The following UNC5C variants were observed in gnomAD, a reference collection of about 807,000 sequenced individuals.
UNC5C encodes the protein netrin receptor UNC5C.
In UNC5C, 47 loss-of-function variants were observed where a neutral mutation model predicts 99.8. That is an observed-to-expected ratio of 0.47 (90% CI 0.37 to 0.60). UNC5C has a LOEUF of 0.60. Among genes scored for constraint, UNC5C ranks in the 20% least tolerant of loss-of-function variants. The probability of loss-of-function intolerance (pLI) is 0.00; values close to 1 mark genes in which losing one functional copy is unlikely to be tolerated. For synonymous variants in UNC5C, 487 were observed against 452.2 expected (o/e 1.08, Z -0.98); for missense variants, 1,062 against 1,165.9 (o/e 0.91, Z 1.30).
chr4:95,488,487 A>C (rs1036216833), intron 1 of UNC5C, among the ~76,000 whole-genome samples: 1 of 151,800 alleles, frequency 6.6e-6, no homozygotes, highest in Non-Finnish European at 1.5e-5. Context: ...ATAGCTTCTG[A>C]GAACTGGTTC....
chr4:95,519,544 A>C (rs2149489757), intron 1 of UNC5C, among the ~76,000 whole-genome samples: 1 of 152,272 alleles, frequency 6.6e-6, no homozygotes, highest in Non-Finnish European at 1.5e-5. Context: ...TTTAAAAAAA[A>C]AAAACAAACT....
rs1735876167 is a variant in UNC5C at position 95,166,862 on chromosome 4, C to T, written c.*2372G>A. On this transcript the variant is annotated 3_prime_UTR_variant, in exon 16 of 16. Transcript: ENST00000453304. ...ATTTTTAATTTAGAATACAGTTTTACTCATTGCTACAAACATCCACTGAAC... is the reference window on the plus strand; with the variant it reads ...ATTTTTAATTTAGAATACAGTTTTATTCATTGCTACAAACATCCACTGAAC... The T allele has an allele frequency of 6.6e-6, 1 of 152,154 alleles. No homozygotes were observed. Among genetic ancestry groups the T allele is most frequent in the African/African-American group, 2.4e-5 (1 of 41,434 alleles). The allele number at this position is 152,154 out of a possible 1,614,324, so 9.4% of individuals were successfully genotyped here. A position where few individuals can be genotyped will look rare whatever the true frequency, so the allele number is the denominator to read the frequency against.
At chr4:95,542,905 A>G (rs1722952689) in intron 1 of UNC5C, among the ~76,000 whole-genome samples, 1 of 152,142 alleles carries the variant, frequency 6.6e-6, no homozygotes, top group Non-Finnish European at 1.5e-5. Flanking sequence ...AAAATAACAA[A>G]TATTTAAAAT....
At chr4:95,355,313 C>T (rs974174956) in intron 1 of UNC5C, among the ~76,000 whole-genome samples, 1 of 152,082 alleles carries the variant, frequency 6.6e-6, no homozygotes, top group Non-Finnish European at 1.5e-5. Context: ...AAATATTCTA[C>T]TTGCCTTATT....
chr4:95,250,581 C>T lies in UNC5C; in HGVS notation c.681G>A (p.Lys227=). The change falls in exon 5 of 16, where the codon AAG becomes AAA. Residue 227 remains lysine (K), a synonymous_variant. Transcript: ENST00000453304. The part of the protein sequence containing the change: ...YITIDHNLII[K]QARLSDTANY... Reference sequence around the variant, plus strand: ...TTGCAGTATCAGAGAGTCGGGCCTGCTTTATGATGAGGTTGTGATCAATAG... The same window carrying T: ...TTGCAGTATCAGAGAGTCGGGCCTGTTTTATGATGAGGTTGTGATCAATAG... 2 of 1,613,966 alleles carry T rather than the reference C, an allele frequency of 1.2e-6. No individual in the cohort carries two copies. The highest frequency in any genetic ancestry group is 1.7e-6 in the Non-Finnish European group (2 of 1,179,960).
chr4:95,358,210 T>C (rs1579355491), intron 1 of UNC5C, among the ~76,000 whole-genome samples: 1 of 152,214 alleles, frequency 6.6e-6, no homozygotes, highest in Non-Finnish European at 1.5e-5. Flanking sequence ...TCCTTATTAA[T>C]GCAGTTTCTA....
chr4:95,483,859 G>A (rs1456322786), intron 1 of UNC5C, among the ~76,000 whole-genome samples: 1 of 151,850 alleles, frequency 6.6e-6, no homozygotes, highest in Non-Finnish European at 1.5e-5. Context: ...CAGTTCTTGA[G>A]GAATACGATA....
rs756256027 is a variant in UNC5C, at chr4:95,548,867, A to C, written c.-10T>G. 6.2e-7 allele frequency: 1 copy of C among 1,604,758 alleles called. No individual in the cohort carries two copies. The highest frequency in any genetic ancestry group is 8.5e-7 in the Non-Finnish European group (1 of 1,174,994). On this transcript the variant is annotated 5_prime_UTR_variant, in exon 1 of 16. Transcript: ENST00000453304. ...GCAGACCTTTCCTCATCGTAGACAG[A>C]GGTGTGCCGGGGGGAGGGGAGGGGG...
intron 4 of UNC5C, among the ~76,000 whole-genome samples, chr4:95,276,045 T>C (rs1045540561): frequency 2.0e-5 from 3 of 152,198 alleles, no homozygotes; most frequent in Non-Finnish European, 2.9e-5. Context: ...AAATAATGAA[T>C]GCATTTATAT....
In UNC5C at chr4:95,543,737, A is replaced by G. The variant is rs554962459; in HGVS notation, c.124+4997T>C. ...AGTTATCTTTCAGTATCCCTTGAGAAAATAGAAAGTCAAGGACGAGCTTCT... is the reference window on the plus strand; with the variant it reads ...AGTTATCTTTCAGTATCCCTTGAGAGAATAGAAAGTCAAGGACGAGCTTCT... On this transcript the variant is annotated intron_variant, in intron 1 of 15. Coordinates refer to ENST00000453304, the MANE Select transcript of UNC5C (RefSeq NM_003728.4). Among the ~76,000 whole-genome samples, 11 of 152,340 alleles carry G rather than the reference A, an allele frequency of 7.2e-5. No individual in the cohort carries two copies. In the South Asian group the frequency reaches 1.4e-3, roughly 20 times the overall value.
chr4:95,260,214 G>A (rs796521921), intron 4 of UNC5C, among the ~76,000 whole-genome samples: 7 of 152,166 alleles, frequency 4.6e-5, no homozygotes, highest in African/African-American at 1.4e-4. Flanking sequence ...TTTTAAAAAC[G>A]AATAATTGCC....
intron 1 of UNC5C, among the ~76,000 whole-genome samples, chr4:95,480,811 A>C (rs928956826): frequency 3.4e-5 from 5 of 146,824 alleles, no homozygotes; most frequent in Admixed American, 6.6e-5. Flanking sequence ...TTCAACAACC[A>C]TTCATGCTAA....
intron 1 of UNC5C, among the ~76,000 whole-genome samples, chr4:95,396,638 C>T (rs1745518317): frequency 6.6e-6 from 1 of 152,124 alleles, no homozygotes; most frequent in African/African-American, 2.4e-5. Flanking sequence ...CCTCTCTCGA[C>T]TGGTTCCTTC....
At chr4:95,199,565 TTTCTCAC>T (rs1274262925) in intron 12 of UNC5C, among the ~76,000 whole-genome samples, 3 of 152,222 alleles carry the variant, frequency 2.0e-5, no homozygotes, top group African/African-American at 7.2e-5. Flanking sequence ...TTCATCACTC[TTTCTCAC>T]TATTGACCAT....
intron 1 of UNC5C, among the ~76,000 whole-genome samples, chr4:95,446,725 G>T (rs558092190): frequency 6.6e-6 from 1 of 151,986 alleles, no homozygotes; most frequent in Non-Finnish European, 1.5e-5. Context: ...TACACACTGC[G>T]TTTCAAAACT....
chr4:95,448,214 G>C (rs1653526847), intron 1 of UNC5C, among the ~76,000 whole-genome samples: 1 of 147,086 alleles, frequency 6.8e-6, no homozygotes, highest in Non-Finnish European at 1.5e-5. Flanking sequence ...GTGTGTGTGT[G>C]TGTGTGTGTG....
intron 4 of UNC5C, among the ~76,000 whole-genome samples, chr4:95,255,442 ACTCCT>A (rs1337996888): frequency 6.6e-6 from 1 of 151,536 alleles, no homozygotes; most frequent in African/African-American, 2.4e-5. Flanking sequence ...ACTATTTCAC[ACTCCT>A]CTCCACTACC....
At chr4:95,264,284 A>G (rs1740352427) in intron 4 of UNC5C, among the ~76,000 whole-genome samples, 1 of 152,202 alleles carries the variant, frequency 6.6e-6, no homozygotes, top group African/African-American at 2.4e-5. Context: ...ATGAACTTGA[A>G]GGTTTACATG....
At chr4:95,474,338 T>TG (rs1748064715) in intron 1 of UNC5C, among the ~76,000 whole-genome samples, 1 of 152,118 alleles carries the variant, frequency 6.6e-6, no homozygotes, top group African/African-American at 2.4e-5. Context: ...TCACACAGGC[T>TG]GGAGTACAGT....
Sources: gnomAD v4.1 joint callset for allele counts (sites outside exome capture counted in the v4.1 genomes callset) on GRCh38, gnomAD v4.1.1 for gene constraint, MANE v1.5 for transcripts, NCBI Gene and HGNC (gene_info 2026-07-23, HGNC 2026-07-21) for gene names.